Variants in MPP2 observed in about 807,000 individuals in gnomAD.
The protein encoded by MPP2 is MAGUK p55 subfamily member 2.
MPP2 carries 42 observed loss-of-function variants against 58.5 expected under a neutral mutation model. The observed-to-expected ratio is 0.72, with a 90% confidence interval of 0.56 to 0.93. MPP2 has a LOEUF of 0.93. Ranked by LOEUF, MPP2 falls within the 40% of genes least tolerant of loss-of-function variation. The pLI, the probability that MPP2 is intolerant of heterozygous loss-of-function variation, is 0.00. For synonymous variants in MPP2, 300 were observed against 307.8 expected (o/e 0.97, Z 0.26); for missense variants, 632 against 760.4 (o/e 0.83, Z 1.99).
chr17:43,878,075 C>A, intron 12 of MPP2, 92 bp from the exon 13 acceptor site: 1 of 1,395,964 alleles, frequency 7.2e-7, no homozygotes, highest in Non-Finnish European at 9.7e-7. Context: ...CTCCCCCTCC[C>A]CAAAGCCCAA....
chr17:43,881,119 C>T lies in MPP2; in HGVS notation c.959G>A (p.Arg320Gln), dbSNP rs751973227. 3.1e-6 allele frequency: 5 copies of T among 1,613,886 alleles called. No homozygotes were observed. The highest frequency in any genetic ancestry group is 1.7e-5 in the Admixed American group (1 of 59,978). ...ATTCTTGGTGGTCAAATACATCATT[C>T]GCTTCTTTTTCTTTCCTGAAAGGCT... ...CGSLSGKKKK[R>Q]MMYLTTKNAE... Residue 320 changes from arginine to glutamine, a missense_variant, in exon 9 of 13, where the codon CGA (arginine) becomes CAA (glutamine). Coordinates refer to ENST00000269095, the MANE Select transcript of MPP2 (RefSeq NM_005374.5).
At chr17:43,899,689 C>T (rs974266045) in intron 2 of MPP2, among the ~76,000 whole-genome samples, 8 of 152,052 alleles carry the variant, frequency 5.3e-5, no homozygotes, top group Admixed American at 4.6e-4. Context: ...AGGCTGAGGT[C>T]ACACCAAGTC....
Position 43,878,000 on chromosome 17 carries a change from G to A in MPP2, c.1483-17C>T. On this transcript the variant is annotated splice_polypyrimidine_tract_variant and intron_variant, in intron 12 of 12. Coordinates refer to ENST00000269095, the MANE Select transcript of MPP2 (RefSeq NM_005374.5). ...GTCCGCCTCCTGCCCAGGCACAAGGGGACCTCCCTACAGTCAGTGCCCACA... is the reference window on the plus strand; with the variant it reads ...GTCCGCCTCCTGCCCAGGCACAAGGAGACCTCCCTACAGTCAGTGCCCACA... The A allele has an allele frequency of 6.2e-7, 1 of 1,607,052 alleles. No homozygotes were observed. The highest frequency in any genetic ancestry group is 8.5e-7 in the Non-Finnish European group (1 of 1,177,204).
chr17:43,907,620 A>G (rs763753236), upstream of MPP2: 25 of 985,512 alleles, frequency 2.5e-5, no homozygotes, highest in Admixed American at 1.2e-4. Context: ...GGAGGTGAGG[A>G]GAACGCGGAG....
At chr17:43,889,804 C>CTTTTTT (rs2047522956) in intron 3 of MPP2, among the ~76,000 whole-genome samples, 2 of 93,612 alleles carry the variant, frequency 2.1e-5, no homozygotes, top group African/African-American at 1.1e-4. Flanking sequence ...TGTCCAAATG[C>CTTTTTT]GTTTTTTTTT....
intron 3 of MPP2, among the ~76,000 whole-genome samples, chr17:43,895,755 A>G (rs1174471120): frequency 2.0e-5 from 3 of 152,114 alleles, no homozygotes; most frequent in African/African-American, 4.8e-5. Context: ...CTCTCACCTC[A>G]GCCTCCAGAG....
chr17:43,907,801 A>C, upstream of MPP2: 5 of 985,386 alleles, frequency 5.1e-6, no homozygotes, highest in Non-Finnish European at 6.0e-6. Flanking sequence ...GCTCCCAAGG[A>C]TCCCTTAAAG....
At chr17:43,883,506 A>C in intron 3 of MPP2, 151 bp from the exon 4 acceptor site, 1 of 751,508 alleles carries the variant, frequency 1.3e-6, no homozygotes, top group Non-Finnish European at 2.1e-6. Flanking sequence ...TCATACCCAC[A>C]CGTGCACATG....
chr17:43,877,777 C>A lies in MPP2; in HGVS notation c.*30G>T, dbSNP rs1444624448. 3 of 1,595,508 alleles carry A rather than the reference C, an allele frequency of 1.9e-6. No individual in the cohort carries two copies. The highest frequency in any genetic ancestry group is 4.5e-5 in the East Asian group (2 of 44,584). On this transcript the variant is annotated 3_prime_UTR_variant, in exon 13 of 13. Transcript: ENST00000269095. ...TGGATTCAGGTTCTGGGTTTCAACA[C>A]AGAGTGAGCCAAAGACCAGGTGAAC...
chr17:43,885,160 C>T (rs1403493282), intron 3 of MPP2, among the ~76,000 whole-genome samples: 1 of 151,600 alleles, frequency 6.6e-6, no homozygotes, highest in Non-Finnish European at 1.5e-5. Context: ...CTTCTTTTCT[C>T]CCTACCACCT....
At chr17:43,878,716 G>A (rs2046960618) in intron 12 of MPP2, among the ~76,000 whole-genome samples, 1 of 152,206 alleles carries the variant, frequency 6.6e-6, no homozygotes, top group South Asian at 2.1e-4. Context: ...ATGGCCAGCA[G>A]AGGGACCCCT....
intron 2 of MPP2, among the ~76,000 whole-genome samples, chr17:43,899,051 G>T (rs1046733043): frequency 6.6e-6 from 1 of 152,138 alleles, no homozygotes; most frequent in Non-Finnish European, 1.5e-5. Flanking sequence ...TTCAAGACCA[G>T]CCTGGCCAAC....
upstream of MPP2, among the ~76,000 whole-genome samples, chr17:43,908,708 C>G (rs187822209): frequency 1.3e-5 from 2 of 152,166 alleles, no homozygotes; most frequent in Non-Finnish European, 2.9e-5. Flanking sequence ...GACCCTGTCT[C>G]AAAAGAAACA....
In MPP2 at chr17:43,879,643, G is replaced by T. The variant is rs1680070705; in HGVS notation, c.1353+139C>A. ...GGAAGGCTGAGAAAGGTTCCAGGTG[G>T]GCTGGGTTTCTAGCAGTAGTTGAGG... On this transcript the variant is annotated intron_variant, in intron 11 of 12. Transcript: ENST00000269095. The surrounding 1 kb of genome is among the most constrained non-coding windows in gnomAD (Gnocchi z 4.1). The T allele has an allele frequency of 9.2e-7, 1 of 1,086,130 alleles. No homozygotes were observed. Among genetic ancestry groups the T allele is most frequent in the Non-Finnish European group, 1.3e-6 (1 of 754,472 alleles). 67.3% of individuals were successfully genotyped at this position (1,086,130 alleles called of 1,614,324 possible).
Position 43,880,958 on chromosome 17 carries a change from G to C in MPP2, c.989-106C>G, listed in dbSNP as rs1313441283. On this transcript the variant is annotated intron_variant, in intron 9 of 12. Transcript: ENST00000269095. This position sits in a 1 kb window ranked among gnomAD's most constrained non-coding sequence, Gnocchi z 5.2. ...GGGCTTGGAACAGGGGAGCAGGGGGGAGTCGGGCAGGGCCTAGGGACACGG... is the reference window on the plus strand; with the variant it reads ...GGGCTTGGAACAGGGGAGCAGGGGGCAGTCGGGCAGGGCCTAGGGACACGG... 1 of 1,520,420 alleles carries C rather than the reference G, an allele frequency of 6.6e-7. No individual in the cohort carries two copies. Among genetic ancestry groups the C allele is most frequent in the Non-Finnish European group, 9.0e-7 (1 of 1,112,674 alleles). The allele number at this position is 1,520,420 out of a possible 1,614,324, so 94.2% of individuals were successfully genotyped here.
intron 12 of MPP2, 130 bp from the exon 13 acceptor site, chr17:43,878,113 G>A: frequency 9.7e-7 from 1 of 1,029,488 alleles, no homozygotes; most frequent in Non-Finnish European, 1.4e-6. Context: ...TGGCTAGGGA[G>A]GCAGGGGCCC....
intron 2 of MPP2, among the ~76,000 whole-genome samples, chr17:43,902,709 T>TG (rs1160709917): frequency 6.6e-6 from 1 of 152,092 alleles, no homozygotes; most frequent in East Asian, 1.9e-4. Context: ...CTGGAACCTC[T>TG]GGCAGAGGCA....
chr17:43,880,703 T>A lies in MPP2; in HGVS notation c.1138A>T (p.Thr380Ser). 1 of 1,610,978 alleles carries A rather than the reference T, an allele frequency of 6.2e-7. No homozygotes were observed. Among genetic ancestry groups the A allele is most frequent in the Non-Finnish European group, 8.5e-7 (1 of 1,177,948 alleles). The change falls in exon 10 of 13, where the codon ACC (threonine) becomes TCC (serine). Residue 380 changes from threonine (T) to serine (S), a missense_variant. Thr to Ser is a moderately conservative substitution (Grantham distance 58, BLOSUM62 1). Transcript: ENST00000269095. This position sits in a 1 kb window ranked among gnomAD's most constrained non-coding sequence, Gnocchi z 5.2. ...AGCTCCCACTCACAGGGCACCGTGG[T>A]GCCATAGCGATCTGGATCCCACATG... ...LIMWDPDRYG[T>S]TVPYTSRRPK...
chr17:43,899,340 C>T (rs2143752149), intron 2 of MPP2, among the ~76,000 whole-genome samples: 1 of 152,240 alleles, frequency 6.6e-6, no homozygotes, highest in East Asian at 1.9e-4. Flanking sequence ...CTGTACCTGG[C>T]AGGCTCAAGG....
Sources: allele counts gnomAD v4.1 joint callset (sites outside exome capture counted in the v4.1 genomes callset), GRCh38; gene constraint gnomAD v4.1.1; non-coding constraint Gnocchi (gnomAD v3.1); transcripts MANE v1.5; gene names NCBI Gene and HGNC (gene_info 2026-07-23, HGNC 2026-07-21).